PAWR: variants seen among roughly 807,000 people sequenced by gnomAD.
The protein encoded by PAWR is PRKC apoptosis WT1 regulator protein.
PAWR carries 23 observed loss-of-function variants against 32.0 expected under a neutral mutation model. The observed-to-expected ratio is 0.72, with a 90% CI of 0.52 to 1.02. PAWR has a LOEUF of 1.02. PAWR is among the 50% of genes least tolerant of loss of function. The pLI is 0.00. For synonymous variants in PAWR, 226 were observed against 187.1 expected (o/e 1.21, Z -1.70); for missense variants, 457 against 437.7 (o/e 1.04, Z -0.39).
intron 5 of PAWR, among the ~76,000 whole-genome samples, chr12:79,595,950 T>C (rs1286407678): frequency 6.6e-6 from 1 of 152,092 alleles, no homozygotes; most frequent in African/African-American, 2.4e-5. Flanking sequence ...CAAAAAATCA[T>C]AAATGTTATA....
intron 2 of PAWR, among the ~76,000 whole-genome samples, chr12:79,681,145 TGGGGAGGGGA>T (rs370518706): frequency 1.4e-3 from 8 of 5,540 alleles, no homozygotes; most frequent in South Asian, 0.011. Flanking sequence ...AGGGGAGGGG[TGGGGAGGGGA>T]GGGGAGGGGA....
chr12:79,609,996 A>G (rs1320976132), intron 4 of PAWR, among the ~76,000 whole-genome samples: 1 of 152,136 alleles, frequency 6.6e-6, no homozygotes, highest in Non-Finnish European at 1.5e-5. Context: ...AAAAGCGCTC[A>G]CCCTGGCTCT....
At chr12:79,649,261 G>A (rs1876724474) in intron 2 of PAWR, among the ~76,000 whole-genome samples, 1 of 152,076 alleles carries the variant, frequency 6.6e-6, no homozygotes, top group Non-Finnish European at 1.5e-5. Context: ...GAAGAGGTCA[G>A]ATTTAATTGA....
In PAWR at chr12:79,639,196, G is replaced by A. The variant is rs147995004; in HGVS notation, c.517-17989C>T. ...ACAGTGCTGGATAGGTGTGACAGGCGTGAGCCACCTCACCCTATTTTTAGC... is the reference window on the plus strand; with the variant it reads ...ACAGTGCTGGATAGGTGTGACAGGCATGAGCCACCTCACCCTATTTTTAGC... On this transcript the variant is annotated intron_variant, in intron 2 of 6. Transcript: ENST00000328827. Among the ~76,000 whole-genome samples, 776 of 151,570 alleles carry A rather than the reference G, an allele frequency of 5.1e-3. 3 individuals carry two copies. Among genetic ancestry groups the A allele is most frequent in the Non-Finnish European group, 8.2e-3 (558 of 67,884 alleles).
At chr12:79,613,505 C>G in intron 4 of PAWR, 70 bp downstream of exon 4, 1 of 765,388 alleles carries the variant, frequency 1.3e-6, no homozygotes, top group South Asian at 2.0e-5. Context: ...TTAAATAGTT[C>G]TAGTTAAGTC....
At position 79,587,889 on chromosome 12, in the gene PAWR, T is replaced by C. The variant is rs1194685940; in HGVS notation, c.*4718A>G. 2 of 132,008 alleles carry C rather than the reference T, an allele frequency of 1.5e-5. No homozygotes were observed. The highest frequency in any genetic ancestry group is 3.5e-5 in the Non-Finnish European group (2 of 56,730). The allele number at this position is 132,008 out of a possible 1,614,324, so 8.2% of individuals were successfully genotyped here. On this transcript the variant is annotated 3_prime_UTR_variant, in exon 7 of 7. Coordinates refer to ENST00000328827, the MANE Select transcript of PAWR (RefSeq NM_002583.4). ...TTGACTATTCCACAATAAAAACCTA[T>C]GAAATGGGAATGATCAAAGCTGTCT...
At chr12:79,683,028 T>C (rs528783361) in intron 2 of PAWR, among the ~76,000 whole-genome samples, 1 of 152,260 alleles carries the variant, frequency 6.6e-6, no homozygotes, top group Non-Finnish European at 1.5e-5. Flanking sequence ...AGTAAAGTTC[T>C]AATTACGCAT....
At chr12:79,684,291 C>T (rs1045338524) in intron 2 of PAWR, among the ~76,000 whole-genome samples, 1 of 151,316 alleles carries the variant, frequency 6.6e-6, no homozygotes, top group African/African-American at 2.4e-5. Flanking sequence ...ATCATAGGTG[C>T]TAAAAAAAAA....
chr12:79,640,961 A>G (rs757946070), intron 2 of PAWR, among the ~76,000 whole-genome samples: 4 of 152,328 alleles, frequency 2.6e-5, no homozygotes, highest in Non-Finnish European at 5.9e-5. Context: ...TAAATTGTAT[A>G]TTCTGTTACA....
rs1371954198 is a variant in PAWR at position 79,592,011 on chromosome 12, G to C, written c.*596C>G. 6.6e-6 allele frequency: 1 copy of C among 152,422 alleles called. No homozygotes were observed. The highest frequency in any genetic ancestry group is 6.6e-5 in the Admixed American group (1 of 15,260). The allele number at this position is 152,422 out of a possible 1,614,324, so 9.4% of individuals were successfully genotyped here. A position where few individuals can be genotyped will look rare whatever the true frequency, so the allele number is the denominator to read the frequency against. On this transcript the variant is annotated 3_prime_UTR_variant, in exon 7 of 7. Transcript: ENST00000328827. ...TTTTATTTACTATAGCACAATTCAA[G>C]TATTCTCTTAAATTTATATTTAGTC...
intron 2 of PAWR, among the ~76,000 whole-genome samples, chr12:79,669,767 C>G (rs1877795758): frequency 6.6e-6 from 1 of 151,652 alleles, no homozygotes; most frequent in Non-Finnish European, 1.5e-5. Flanking sequence ...GTCTCTTGTT[C>G]TGTCACCCAG....
chr12:79,640,599 G>A (rs1289248416), intron 2 of PAWR, among the ~76,000 whole-genome samples: 1 of 152,048 alleles, frequency 6.6e-6, no homozygotes, highest in African/African-American at 2.4e-5. Context: ...AAATTAGCCG[G>A]GTATGGTGGT....
chr12:79,618,654 T>A (rs942934507), intron 3 of PAWR, among the ~76,000 whole-genome samples: 2 of 152,176 alleles, frequency 1.3e-5, no homozygotes, highest in African/African-American at 4.8e-5. Context: ...TTTTTTGGAT[T>A]CCACATATAA....
intron 2 of PAWR, among the ~76,000 whole-genome samples, chr12:79,655,102 C>A (rs573363593): frequency 6.6e-6 from 1 of 152,304 alleles, no homozygotes; most frequent in Non-Finnish European, 1.5e-5. Flanking sequence ...TTAGGTGTAG[C>A]ATCTCTTTTA....
At chr12:79,610,725 C>G (rs2136694862) in intron 4 of PAWR, among the ~76,000 whole-genome samples, 1 of 149,786 alleles carries the variant, frequency 6.7e-6, no homozygotes, top group Non-Finnish European at 1.5e-5. Flanking sequence ...TGAGATCACC[C>G]TGGGCAACAT....
At chr12:79,623,644 G>C (rs764533798) in intron 2 of PAWR, among the ~76,000 whole-genome samples, 9 of 151,646 alleles carry the variant, frequency 5.9e-5, no homozygotes, top group Non-Finnish European at 1.0e-4. Flanking sequence ...CTTTACTGAA[G>C]AATACAAATT....
Position 79,690,950 on chromosome 12 carries a change from C to G in PAWR, c.-226G>C, listed in dbSNP as rs1024369137. On this transcript the variant is annotated 5_prime_UTR_variant, in exon 1 of 7. Coordinates refer to ENST00000328827, the MANE Select transcript of PAWR (RefSeq NM_002583.4). ...GTGCCGAAGCTGGCGCGCGCTCTTC[C>G]GCCGCGCGGAAAGTGCCGCGGCAAA... 2 of 151,246 alleles carry G rather than the reference C, an allele frequency of 1.3e-5. No homozygotes were observed. Among genetic ancestry groups the G allele is most frequent in the Non-Finnish European group, 2.9e-5 (2 of 67,808 alleles). 9.4% of individuals were successfully genotyped at this position (151,246 alleles called of 1,614,324 possible).
chr12:79,666,234 T>A (rs1044162707), intron 2 of PAWR, among the ~76,000 whole-genome samples: 2 of 152,148 alleles, frequency 1.3e-5, no homozygotes, highest in African/African-American at 4.8e-5. Context: ...GTAAAATGAA[T>A]GCAATAAAGC....
At chr12:79,690,512 C>T (rs1878963255) in intron 1 of PAWR, 121 bp from the exon 2 acceptor site, 1 of 450,562 alleles carries the variant, frequency 2.2e-6, no homozygotes, top group East Asian at 4.3e-5. Context: ...CACTACCGGC[C>T]AGCAGCCGCC....
Sources: allele counts gnomAD v4.1 joint callset (sites outside exome capture counted in the v4.1 genomes callset), GRCh38; gene constraint gnomAD v4.1.1; transcripts MANE v1.5; gene names NCBI Gene and HGNC (gene_info 2026-07-23, HGNC 2026-07-21).